TSPAN4: variants seen among roughly 807,000 people sequenced by gnomAD.
TSPAN4 encodes tetraspanin-4.
TSPAN4 carries 38 observed loss-of-function variants against 31.5 expected under a neutral mutation model. That is an observed-to-expected ratio of 1.21 (90% CI 0.93 to 1.58). The LOEUF (loss-of-function observed/expected upper bound fraction) is 1.58, where lower values mean the gene tolerates loss of function less well. TSPAN4 is among the 40% of genes most tolerant of loss of function. TSPAN4 has a pLI of 0.00. For synonymous variants in TSPAN4, 186 were observed against 144.6 expected (o/e 1.29, Z -2.06); for missense variants, 330 against 317.3 (o/e 1.04, Z -0.30).
At chr11:865,054 C>G (rs770940092) in intron 5 of TSPAN4, 1 of 183,782 alleles carries the variant, frequency 5.4e-6, no homozygotes, top group East Asian at 1.4e-4. Context: ...TGGGGCACGT[C>G]CTGACTTCCT....
intron 8 of TSPAN4, 29 bp downstream of exon 8, chr11:866,030 GCCCCCACT>G: frequency 6.2e-7 from 1 of 1,607,716 alleles, no homozygotes; most frequent in Admixed American, 1.7e-5. Context: ...CGGGCTCCCT[GCCCCCACT>G]TTGTTAGGAC....
chr11:852,303 T>C (rs531489520), intron 3 of TSPAN4, among the ~76,000 whole-genome samples: 75 of 152,336 alleles, frequency 4.9e-4, no homozygotes, highest in Middle Eastern at 3.4e-3. Context: ...TTTGTATTTT[T>C]AGTAGAGACA....
In TSPAN4 at chr11:865,509, C is replaced by T. The variant is rs201378484; in HGVS notation, c.331-4C>T. The stretch of plus-strand genomic sequence containing the variant: ...GGCCCTGCTGACCCCCCCCGCACCC[C>T]CAGATTGACAGGTATGCCCAGCAAG... On this transcript the variant is annotated splice_polypyrimidine_tract_variant and splice_region_variant and intron_variant, in intron 5 of 8. Coordinates refer to ENST00000397397, the MANE Select transcript of TSPAN4 (RefSeq NM_003271.5). 4 of 1,610,174 alleles carry T rather than the reference C, an allele frequency of 2.5e-6. No homozygotes were observed. The Admixed American group carries it at 5.0e-5, about 20-fold the overall frequency.
chr11:855,262 A>C (rs2134018797), intron 3 of TSPAN4, among the ~76,000 whole-genome samples: 1 of 152,294 alleles, frequency 6.6e-6, no homozygotes, highest in East Asian at 1.9e-4. Context: ...GGGGGCAGGC[A>C]GAGAAGTCAG....
At chr11:862,991 C>T (rs1173227785) in intron 4 of TSPAN4, 32 of 486,116 alleles carry the variant, frequency 6.6e-5, no homozygotes, top group Middle Eastern at 5.4e-4. Context: ...TTGTCAGGGG[C>T]CTCCCCTGAC....
intron 2 of TSPAN4, chr11:849,762 C>G (rs1378277654): frequency 2.3e-5 from 3 of 131,448 alleles, no homozygotes; most frequent in Non-Finnish European, 4.9e-5. Context: ...GGGAGGGGTC[C>G]GCGCGGGGGC....
chr11:851,833 A>G (rs1436307416), intron 3 of TSPAN4, among the ~76,000 whole-genome samples: 1 of 151,798 alleles, frequency 6.6e-6, no homozygotes, highest in Non-Finnish European at 1.5e-5. Flanking sequence ...GCAGGCAGGC[A>G]GGTCCTGGGA....
rs776079635 is a variant in TSPAN4, at chr11:867,080, C to G, written c.*450C>G. ...CATTCCATAGTGGGCCCGTGGGGCTCCTGGTGCATCTTAATAAAGTGTGAG... is the reference window on the plus strand; with the variant it reads ...CATTCCATAGTGGGCCCGTGGGGCTGCTGGTGCATCTTAATAAAGTGTGAG... On this transcript the variant is annotated 3_prime_UTR_variant, in exon 9 of 9. Transcript: ENST00000397397. The G allele has an allele frequency of 6.2e-6, 1 of 160,558 alleles. No homozygotes were observed. Among genetic ancestry groups the G allele is most frequent in the East Asian group, 1.8e-4 (1 of 5,478 alleles). The allele number at this position is 160,558 out of a possible 1,614,324, so 9.9% of individuals were successfully genotyped here. A position where few individuals can be genotyped will look rare whatever the true frequency, so the allele number is the denominator to read the frequency against.
intron 3 of TSPAN4, among the ~76,000 whole-genome samples, 181 bp downstream of exon 3, chr11:850,548 A>G (rs1847621637): frequency 6.6e-6 from 1 of 152,076 alleles, no homozygotes; most frequent in African/African-American, 2.4e-5. Context: ...GCGGGTGGGG[A>G]AGGTTTGCAC....
intron 1 of TSPAN4, among the ~76,000 whole-genome samples, chr11:845,596 C>G (rs955659795): frequency 1.3e-5 from 2 of 152,030 alleles, no homozygotes; most frequent in Non-Finnish European, 2.9e-5. Context: ...AGGGCCAGGG[C>G]TGTGGTGGGA....
At chr11:853,684 G>C (rs541519606) in intron 3 of TSPAN4, among the ~76,000 whole-genome samples, 1 of 152,040 alleles carries the variant, frequency 6.6e-6, no homozygotes, top group Non-Finnish European at 1.5e-5. Context: ...TCAGAGTTCA[G>C]AGCACTGGTG....
In TSPAN4 at chr11:865,800, A is replaced by G; in HGVS notation, c.539A>G (p.His180Arg). ...GAGTTCAGTGAGAGCTGTGGGCTGC[A>G]CGCCCCCGGCACCTGGTGGAAGGCG... ...CLEFSESCGLHAPGTWWKAPC... is the reference protein window; with the variant it reads ...CLEFSESCGLRAPGTWWKAPC... The change falls in exon 7 of 9, where the codon CAC becomes CGC. Residue 180 changes from histidine (H) to arginine (R), a missense_variant. Physicochemically the swap from His to Arg is conservative, Grantham distance 29 (BLOSUM62 0). Transcript: ENST00000397397. The G allele has an allele frequency of 6.2e-7, 1 of 1,612,454 alleles. No homozygotes were observed. The highest frequency in any genetic ancestry group is 8.5e-7 in the Non-Finnish European group (1 of 1,179,674).
At chr11:843,872 C>T (rs1379130111) in intron 1 of TSPAN4, 1 of 152,996 alleles carries the variant, frequency 6.5e-6, no homozygotes, top group Non-Finnish European at 1.5e-5. Context: ...AATGCTGCGT[C>T]TGCCTTAGTT....
chr11:849,149 G>A (rs1166666896), intron 2 of TSPAN4, among the ~76,000 whole-genome samples: 1 of 151,510 alleles, frequency 6.6e-6, no homozygotes, highest in Non-Finnish European at 1.5e-5. Flanking sequence ...GGCGGAGGCC[G>A]AGCCGGGCCC....
chr11:864,209 G>T, intron 4 of TSPAN4: 1 of 603,826 alleles, frequency 1.7e-6, no homozygotes, highest in Non-Finnish European at 2.9e-6. Context: ...CCAGCCCAGG[G>T]CCCCACACTC....
rs1438165716 is a variant in TSPAN4 at position 866,958 on chromosome 11, G to A, written c.*328G>A. On this transcript the variant is annotated 3_prime_UTR_variant, in exon 9 of 9. Transcript: ENST00000397397. The stretch of plus-strand genomic sequence containing the variant: ...GCCAGCCTGTGGCCCCCAGCCTCCT[G>A]GAAAACAGGTTGGCGCTGGAGGAGC... 1.2e-5 allele frequency: 3 copies of A among 243,408 alleles called. No homozygotes were observed. Among genetic ancestry groups the A allele is most frequent in the Non-Finnish European group, 2.4e-5 (3 of 125,748 alleles). 15.1% of individuals were successfully genotyped at this position (243,408 alleles called of 1,614,324 possible). A position where few individuals can be genotyped will look rare whatever the true frequency, so the allele number is the denominator to read the frequency against.
rs756695910 is a variant in TSPAN4 at position 866,575 on chromosome 11, C to G, written c.662C>G (p.Thr221Ser). 1.9e-6 allele frequency: 3 copies of G among 1,613,474 alleles called. No homozygotes were observed. The highest frequency in any genetic ancestry group is 2.2e-5 in the South Asian group (2 of 91,068). ...CCCTACCTACAGATCCTGGGCCTGA[C>G]CTTCGCCATGACCATGTACTGCCAA... ...CTALVQILGL[T>S]FAMTMYCQVV... is the part of the protein sequence containing the mutation. Residue 221 changes from threonine to serine, a missense_variant, in exon 9 of 9, where the codon ACC becomes AGC. By Grantham distance (58) the Thr-to-Ser change is moderately conservative. Coordinates refer to ENST00000397397, the MANE Select transcript of TSPAN4 (RefSeq NM_003271.5).
rs768072194 is a variant in TSPAN4, at chr11:862,701, G to A, written c.215G>A (p.Cys72Tyr). The A allele has an allele frequency of 4.3e-6, 7 of 1,612,880 alleles. No homozygotes were observed. In the South Asian group the frequency reaches 6.6e-5, roughly 15 times the overall value. The part of the protein sequence containing the change: ...AFVMAIGFVG[C>Y]LGAIKENKCL... ...GTCATGGCCATCGGCTTCGTGGGCT[G>A]CCTGGGTGCCATCAAGGAGAACAAG... Residue 72 changes from cysteine (C) to tyrosine (Y), a missense_variant, in exon 4 of 9, where the codon TGC (cysteine) becomes TAC (tyrosine). Physicochemically the swap from Cys to Tyr is radical, Grantham distance 194. Coordinates refer to ENST00000397397, the MANE Select transcript of TSPAN4 (RefSeq NM_003271.5).
intron 3 of TSPAN4, among the ~76,000 whole-genome samples, chr11:850,663 G>C (rs536555407): frequency 2.0e-5 from 3 of 152,206 alleles, no homozygotes; most frequent in African/African-American, 7.2e-5. Context: ...CGTTGCACAC[G>C]TGCGCGCCGG....
Sources: allele counts gnomAD v4.1 joint callset (sites outside exome capture counted in the v4.1 genomes callset), GRCh38; gene constraint gnomAD v4.1.1; transcripts MANE v1.5; gene names NCBI Gene and HGNC (gene_info 2026-07-23, HGNC 2026-07-21).